Variants in GRM8 observed in about 807,000 individuals in gnomAD.
The protein encoded by GRM8 is metabotropic glutamate receptor 8.
In GRM8, 47 loss-of-function variants were observed where a neutral mutation model predicts 87.2. The ratio of observed to expected loss-of-function variants is 0.54; its 90% confidence interval spans 0.43 to 0.69. GRM8 has a LOEUF of 0.69. Ranked by LOEUF, GRM8 falls within the 30% of genes least tolerant of loss-of-function variation. The probability of loss-of-function intolerance (pLI) is 0.00; values close to 1 mark genes in which losing one functional copy is unlikely to be tolerated. For synonymous variants in GRM8, 396 were observed against 404.5 expected (o/e 0.98, Z 0.25); for missense variants, 1,019 against 1,139.2 (o/e 0.89, Z 1.52).
At chr7:126,706,515 T>C (rs1452629510) in intron 7 of GRM8, among the ~76,000 whole-genome samples, 4 of 152,180 alleles carry the variant, frequency 2.6e-5, no homozygotes, top group Non-Finnish European at 5.9e-5. Flanking sequence ...TTATTCAGGC[T>C]GTCAACCGTA....
chr7:126,909,056 C>T (rs544974678), intron 3 of GRM8, among the ~76,000 whole-genome samples: 1 of 152,266 alleles, frequency 6.6e-6, no homozygotes, highest in East Asian at 1.9e-4. Flanking sequence ...TACTATGTTT[C>T]AGGAGCTACA....
At chr7:127,234,350 A>C (rs1296752131) in intron 2 of GRM8, among the ~76,000 whole-genome samples, 1 of 152,230 alleles carries the variant, frequency 6.6e-6, no homozygotes, top group Non-Finnish European at 1.5e-5. Flanking sequence ...ATTGTGTTTA[A>C]GTGACCATTG....
At chr7:127,096,611 C>T (rs1276191270) in intron 3 of GRM8, among the ~76,000 whole-genome samples, 1 of 151,680 alleles carries the variant, frequency 6.6e-6, no homozygotes, top group Non-Finnish European at 1.5e-5. Context: ...CCATGAGCCA[C>T]ACATTGTTAT....
chr7:126,780,665 A>G (rs1488981639), intron 6 of GRM8, among the ~76,000 whole-genome samples: 4 of 127,002 alleles, frequency 3.1e-5, no homozygotes, highest in African/African-American at 6.7e-5. Context: ...GAAGAGTACA[A>G]GGAGTGAGGC....
At chr7:126,663,637 T>A (rs916962476) in intron 7 of GRM8, among the ~76,000 whole-genome samples, 1 of 152,094 alleles carries the variant, frequency 6.6e-6, no homozygotes, top group Non-Finnish European at 1.5e-5. Context: ...CAAAAGAACA[T>A]ATCTCAAAAT....
intron 8 of GRM8, among the ~76,000 whole-genome samples, chr7:126,541,011 A>G (rs1816473446): frequency 6.6e-6 from 1 of 152,232 alleles, no homozygotes; most frequent in South Asian, 2.1e-4. Flanking sequence ...AATGCTGTAC[A>G]AAAACATAGT....
Position 126,792,919 on chromosome 7 carries a change from A to G in GRM8, c.1157-22854T>C, listed in dbSNP as rs544955118. 1.1e-4 allele frequency among the ~76,000 whole-genome samples: 17 copies of G among 152,270 alleles called. No individual in the cohort carries two copies. The East Asian group carries it at 3.1e-3, about 28-fold the overall frequency. On this transcript the variant is annotated intron_variant, in intron 6 of 10. Transcript: ENST00000339582. ...GCTACAAAAGATACATGTTCCTTCA[A>G]CATTCTTTCATTTTCTCCTTCTCTA...
intron 8 of GRM8, among the ~76,000 whole-genome samples, chr7:126,547,787 C>A (rs1006166680): frequency 1.3e-5 from 2 of 151,746 alleles, no homozygotes; most frequent in Non-Finnish European, 2.9e-5. Context: ...TACTGAGATT[C>A]CAGCACAACA....
intron 7 of GRM8, among the ~76,000 whole-genome samples, chr7:126,719,143 G>A (rs963395002): frequency 1.3e-5 from 2 of 152,054 alleles, no homozygotes; most frequent in African/African-American, 4.8e-5. Context: ...ACCTAAGTGT[G>A]TATTATAATA....
At chr7:127,196,231 T>C (rs1795272091) in intron 2 of GRM8, among the ~76,000 whole-genome samples, 1 of 152,162 alleles carries the variant, frequency 6.6e-6, no homozygotes, top group African/African-American at 2.4e-5. Flanking sequence ...CAAGAACACA[T>C]GCCCAGCTGG....
At chr7:126,646,690 C>A (rs766023891) in intron 7 of GRM8, among the ~76,000 whole-genome samples, 1 of 152,172 alleles carries the variant, frequency 6.6e-6, no homozygotes. Context: ...ACTTTTAAAC[C>A]TCCTCATCAA....
rs186531995 is a variant in GRM8 at position 127,009,895 on chromosome 7, C to T, written c.727+96601G>A. ...GTTGCACTCTGTCACCCAGGCTGGA[C>T]TGCAGTGGTGTGATCTTGGCTCACT... On this transcript the variant is annotated intron_variant, in intron 3 of 10. Transcript: ENST00000339582. 5.2e-4 allele frequency among the ~76,000 whole-genome samples: 79 copies of T among 152,070 alleles called. 2 individuals carry two copies. The East Asian group carries it at 0.014, about 28-fold the overall frequency.
At chr7:126,546,325 C>A (rs575794012) in intron 8 of GRM8, among the ~76,000 whole-genome samples, 55 of 152,260 alleles carry the variant, frequency 3.6e-4, no homozygotes, top group African/African-American at 1.3e-3. Context: ...TCCAGGGTGA[C>A]TACTGAATCA....
chr7:126,801,405 A>C (rs912278504), intron 6 of GRM8, among the ~76,000 whole-genome samples: 8 of 152,208 alleles, frequency 5.3e-5, no homozygotes, highest in African/African-American at 1.9e-4. Context: ...TAGATCTATA[A>C]TTATTAACTT....
At chr7:127,082,588 C>A (rs1167408423) in intron 3 of GRM8, among the ~76,000 whole-genome samples, 1 of 152,136 alleles carries the variant, frequency 6.6e-6, no homozygotes, top group Non-Finnish European at 1.5e-5. Flanking sequence ...TGGAAGTTTC[C>A]ATTCTTCTAA....
At chr7:126,488,829 T>C (rs1349433961) in intron 9 of GRM8, among the ~76,000 whole-genome samples, 1 of 152,010 alleles carries the variant, frequency 6.6e-6, no homozygotes, top group Non-Finnish European at 1.5e-5. Flanking sequence ...ATAATGATGA[T>C]AATATCTTGA....
At chr7:126,477,618 AG>A (rs1563051355) in intron 9 of GRM8, among the ~76,000 whole-genome samples, 1 of 139,606 alleles carries the variant, frequency 7.2e-6, no homozygotes, top group Admixed American at 7.1e-5. Context: ...AAAGAAAGAA[AG>A]AAAGAAAGAA....
chr7:126,731,493 G>T (rs1278210004), intron 7 of GRM8, among the ~76,000 whole-genome samples: 3 of 151,898 alleles, frequency 2.0e-5, no homozygotes, highest in Admixed American at 6.6e-5. Context: ...ATTCCCAATG[G>T]TAGTAAACAA....
At chr7:126,870,914 G>A (rs1164797267) in intron 6 of GRM8, among the ~76,000 whole-genome samples, 1 of 152,096 alleles carries the variant, frequency 6.6e-6, no homozygotes, top group African/African-American at 2.4e-5. Flanking sequence ...ATAAAACAAG[G>A]CATGCCTGTA....
Sources: gnomAD v4.1 joint callset for allele counts (sites outside exome capture counted in the v4.1 genomes callset) on GRCh38, gnomAD v4.1.1 for gene constraint, MANE v1.5 for transcripts, NCBI Gene and HGNC (gene_info 2026-07-23, HGNC 2026-07-21) for gene names.